The following BBS9 variants were observed in gnomAD, a reference collection of about 807,000 sequenced individuals.
The protein encoded by BBS9 is protein PTHB1.
BBS9 carries 89 observed loss-of-function variants against 117.7 expected under a neutral mutation model. The ratio of observed to expected loss-of-function variants is 0.76; its 90% CI spans 0.64 to 0.90. The LOEUF is 0.90. Among genes scored for constraint, BBS9 ranks in the 40% least tolerant of loss-of-function variants. The pLI is 0.00. For synonymous variants in BBS9, 379 were observed against 370.9 expected (o/e 1.02, Z -0.25); for missense variants, 982 against 1,042.2 (o/e 0.94, Z 0.80).
In BBS9 at chr7:33,189,861, A is replaced by C. The variant is rs1282923983; in HGVS notation, c.442+12270A>C. Among the ~76,000 whole-genome samples the C allele has an allele frequency of 7.4e-4, 109 of 146,650 alleles. 3 individuals carry two copies. The South Asian group carries it at 0.023, about 30-fold the overall frequency. ...AGATCGAGCCACTGCACTCCACTGC[A>C]CTCCAGAGTGAGACTCTGTCTTAAA... On this transcript the variant is annotated intron_variant, in intron 5 of 22. Transcript: ENST00000242067.
At chr7:33,329,113 C>T (rs1218872527) in intron 9 of BBS9, among the ~76,000 whole-genome samples, 3 of 151,980 alleles carry the variant, frequency 2.0e-5, no homozygotes, top group South Asian at 4.1e-4. Flanking sequence ...CTCCGCCTCC[C>T]GGATTCAAGT....
chr7:33,548,191 A>G (rs1157098538), intron 21 of BBS9, among the ~76,000 whole-genome samples: 5 of 152,206 alleles, frequency 3.3e-5, no homozygotes, highest in Non-Finnish European at 5.9e-5. Context: ...TGGATACTCA[A>G]CAGTCTAAAG....
chr7:33,181,618 C>G (rs1449734796), intron 5 of BBS9, among the ~76,000 whole-genome samples: 1 of 152,100 alleles, frequency 6.6e-6, no homozygotes, highest in Non-Finnish European at 1.5e-5. Flanking sequence ...CAGATCAGTG[C>G]TCTAAGAAAA....
chr7:33,598,752 A>G (rs1256672624), intron 21 of BBS9, among the ~76,000 whole-genome samples: 1 of 152,228 alleles, frequency 6.6e-6, no homozygotes, highest in African/African-American at 2.4e-5. Context: ...AACTTATGAT[A>G]ATAACACCAT....
At chr7:33,244,419 T>A (rs1795017925) in intron 5 of BBS9, among the ~76,000 whole-genome samples, 1 of 152,190 alleles carries the variant, frequency 6.6e-6, no homozygotes. Context: ...CATTTCCAAC[T>A]TCCTGGCACA....
At chr7:33,511,434 C>G (rs939393559) in intron 20 of BBS9, among the ~76,000 whole-genome samples, 2 of 152,140 alleles carry the variant, frequency 1.3e-5, no homozygotes, top group Non-Finnish European at 2.9e-5. Flanking sequence ...GTTTGGGGAC[C>G]TGATTGCATA....
chr7:33,512,151 A>G (rs142944901), intron 20 of BBS9, among the ~76,000 whole-genome samples: 1 of 152,336 alleles, frequency 6.6e-6, no homozygotes, highest in Non-Finnish European at 1.5e-5. Flanking sequence ...TGCTAGTGAG[A>G]TGCAACTGAT....
At chr7:33,238,901 G>A (rs1449340630) in intron 5 of BBS9, among the ~76,000 whole-genome samples, 1 of 151,994 alleles carries the variant, frequency 6.6e-6, no homozygotes, top group Non-Finnish European at 1.5e-5. Flanking sequence ...CCCTATTAGT[G>A]GAATTGTTTC....
intron 21 of BBS9, among the ~76,000 whole-genome samples, chr7:33,598,111 T>G (rs1863167143): frequency 6.6e-6 from 1 of 152,130 alleles, no homozygotes; most frequent in African/African-American, 2.4e-5. Flanking sequence ...AGCCTTGTTC[T>G]TTGCCTTCTC....
chr7:33,572,879 G>A (rs1020694424), intron 21 of BBS9, among the ~76,000 whole-genome samples: 1 of 151,676 alleles, frequency 6.6e-6, no homozygotes, highest in African/African-American at 2.4e-5. Context: ...ATTAATATAG[G>A]ATTGATGGAT....
rs112078617 is a variant in BBS9, at chr7:33,511,498, C to G, written c.2298+5853C>G. On this transcript the variant is annotated intron_variant, in intron 20 of 22. Transcript: ENST00000242067. Reference sequence around the variant, plus strand: ...ACATTGTATAGCATTATGCCTGTTTCTTTTCTTTTAAAGTACGTTCAATGT... The same window carrying G: ...ACATTGTATAGCATTATGCCTGTTTGTTTTCTTTTAAAGTACGTTCAATGT... Among the ~76,000 whole-genome samples the G allele has an allele frequency of 1.9e-3, 296 of 152,186 alleles. 1 individual carries two copies. The highest frequency in any genetic ancestry group is 6.4e-3 in the African/African-American group (266 of 41,524).
chr7:33,427,098 T>G (rs1287227598), intron 19 of BBS9, among the ~76,000 whole-genome samples: 2 of 152,198 alleles, frequency 1.3e-5, no homozygotes, highest in Non-Finnish European at 2.9e-5. Flanking sequence ...CCTCCGCATG[T>G]GCAGATGTCA....
At chr7:33,516,419 G>A (rs754222434) in intron 20 of BBS9, among the ~76,000 whole-genome samples, 8 of 147,556 alleles carry the variant, frequency 5.4e-5, no homozygotes, top group Non-Finnish European at 1.0e-4. Flanking sequence ...AACCCGGGAG[G>A]CAGAGGTTGC....
At chr7:33,146,868 G>T (rs1792480896) in intron 2 of BBS9, among the ~76,000 whole-genome samples, 1 of 151,842 alleles carries the variant, frequency 6.6e-6, no homozygotes, top group African/African-American at 2.4e-5. Flanking sequence ...TTATGTTCTG[G>T]TTTGTACTGA....
chr7:33,336,464 C>A lies in BBS9; in HGVS notation c.1040C>A (p.Thr347Asn). ...CLHDLKGVIV[T>N]LSDDGHLQCS... The stretch of plus-strand genomic sequence containing the variant: ...AGTGATTTAAAGGGAGTGATAGTCA[C>A]TCTGAGTGATGATGGTCACTTGCAG... The change falls in exon 10 of 23, where the codon ACT (threonine) becomes AAT (asparagine). Residue 347 changes from threonine (T) to asparagine (N), a missense_variant. Physicochemically the swap from Thr to Asn is moderately conservative, Grantham distance 65. Coordinates refer to ENST00000242067, the MANE Select transcript of BBS9 (RefSeq NM_198428.3). 1.2e-6 allele frequency: 2 copies of A among 1,613,800 alleles called. No homozygotes were observed. The highest frequency in any genetic ancestry group is 1.7e-6 in the Non-Finnish European group (2 of 1,179,782).
chr7:33,423,612 G>C (rs920368584), intron 19 of BBS9, among the ~76,000 whole-genome samples: 1 of 151,934 alleles, frequency 6.6e-6, no homozygotes, highest in Non-Finnish European at 1.5e-5. Context: ...TTCAGAGTCA[G>C]TAAACTTCAG....
At chr7:33,267,995 C>T (rs75102703) in intron 7 of BBS9, among the ~76,000 whole-genome samples, 1,639 of 152,166 alleles carry the variant, frequency 0.011, 28 homozygotes, top group African/African-American at 0.038. Flanking sequence ...TTTTGGGGGC[C>T]TTGTTCTCAA....
intron 19 of BBS9, among the ~76,000 whole-genome samples, chr7:33,431,062 C>G (rs1027633489): frequency 4.6e-5 from 7 of 150,866 alleles, no homozygotes; most frequent in African/African-American, 1.7e-4. Context: ...AGGCATGGTG[C>G]TGTGTGCCTG....
At chr7:33,575,517 C>G (rs1858659344) in intron 21 of BBS9, among the ~76,000 whole-genome samples, 1 of 152,074 alleles carries the variant, frequency 6.6e-6, no homozygotes, top group Non-Finnish European at 1.5e-5. Flanking sequence ...GAAACTATTC[C>G]AATCAATAGA....
Sources: allele counts gnomAD v4.1 joint callset (sites outside exome capture counted in the v4.1 genomes callset), GRCh38; gene constraint gnomAD v4.1.1; transcripts MANE v1.5; gene names NCBI Gene and HGNC (gene_info 2026-07-23, HGNC 2026-07-21).